TREH: variants seen among roughly 807,000 people sequenced by gnomAD.
TREH encodes the protein alpha,alpha-trehalose glucohydrolase.
A neutral mutation model predicts 80.5 loss-of-function variants in TREH; 69 were observed. The ratio of observed to expected loss-of-function variants is 0.86; its 90% CI spans 0.71 to 1.05. TREH has a LOEUF of 1.05. TREH is among the 50% of genes least tolerant of loss of function. The pLI is 0.00. For missense variants in TREH, 716 were observed against 718.8 expected, an observed-to-expected ratio of 1.00 and a Z score of 0.04; for synonymous variants, 309 against 293.5, an observed-to-expected ratio of 1.05 and a Z score of -0.54.
intron 4 of TREH, among the ~76,000 whole-genome samples, 163 bp from the exon 5 acceptor site, chr11:118,662,153 G>A (rs960308115): frequency 1.3e-5 from 2 of 152,068 alleles, no homozygotes; most frequent in Non-Finnish European, 2.9e-5. Context: ...AGGCCTGGCC[G>A]CTGGGAGCCT....
At chr11:118,660,053 TTG>T (rs1591828626) in intron 10 of TREH, 89 bp from the exon 11 acceptor site, 1 of 1,265,344 alleles carries the variant, frequency 7.9e-7, no homozygotes, top group Non-Finnish European at 1.1e-6. Context: ...CCTCCCCGCT[TTG>T]TGTTTCTCTG....
At chr11:118,668,806 G>T (rs1353704494) in intron 1 of TREH, among the ~76,000 whole-genome samples, 1 of 151,886 alleles carries the variant, frequency 6.6e-6, no homozygotes, top group Non-Finnish European at 1.5e-5. Context: ...CAGGCGTGGT[G>T]GTGCATGCCT....
rs782364482 is a variant in TREH, at chr11:118,662,944, T to G, written c.360A>C (p.Ser120=). ...KDSPQFLQKI[S]DAKLRAWAGQ... ...CTGCCCAGGCACGCAGTTTGGCATC[T>G]GAAATCTTCTGCAGGAACTGGGGGC... Residue 120 remains serine, a synonymous_variant, in exon 4 of 15, where the codon TCA becomes TCC. Coordinates refer to ENST00000264029, the MANE Select transcript of TREH (RefSeq NM_007180.3). 1.2e-6 allele frequency: 2 copies of G among 1,612,160 alleles called. No individual in the cohort carries two copies. The highest frequency in any genetic ancestry group is 1.7e-5 in the Admixed American group (1 of 59,670).
intron 1 of TREH, among the ~76,000 whole-genome samples, chr11:118,668,060 C>A (rs146995088): frequency 5.8e-4 from 88 of 152,252 alleles, no homozygotes; most frequent in Admixed American, 9.2e-4. Flanking sequence ...GACAGGGTTT[C>A]GCCATGTTGG....
chr11:118,663,229 G>A (rs782243386), intron 2 of TREH, 33 bp from the exon 3 acceptor site: 3 of 1,573,768 alleles, frequency 1.9e-6, no homozygotes, highest in Non-Finnish European at 2.6e-6. Context: ...GGGTCAGCAG[G>A]GTGTCACAAG....
chr11:118,663,211 G>A lies in TREH; in HGVS notation c.191-15C>T, dbSNP rs782446774. 8.2e-6 allele frequency: 13 copies of A among 1,591,334 alleles called. 1 individual carries two copies. The South Asian group carries it at 1.5e-4, about 18-fold the overall frequency. ...CAGGACTTGTTCTGGAGAGCAGGCA[G>A]CAGGGAGGGGTCAGCAGGGTGTCAC... On this transcript the variant is annotated splice_polypyrimidine_tract_variant and intron_variant, in intron 2 of 14. Transcript: ENST00000264029.
Position 118,661,304 on chromosome 11 carries a change from C to T in TREH, c.735-22G>A, listed in dbSNP as rs1482108699. On this transcript the variant is annotated intron_variant, in intron 7 of 14. Coordinates refer to ENST00000264029, the MANE Select transcript of TREH (RefSeq NM_007180.3). The surrounding 1 kb of genome is among the most constrained non-coding windows in gnomAD (Gnocchi z 4.2). ...TTCCCTGGAGTGAAGCAGACAACAC[C>T]TCAGCCCAGGCGTGCTGCCCATCCC... 6.2e-7 allele frequency: 1 copy of T among 1,613,972 alleles called. No homozygotes were observed. Among genetic ancestry groups the T allele is most frequent in the Non-Finnish European group, 8.5e-7 (1 of 1,179,868 alleles).
rs991159130 is a variant in TREH at position 118,661,010 on chromosome 11, T to A, written c.858-95A>T. 9 of 1,547,918 alleles carry A rather than the reference T, an allele frequency of 5.8e-6. No individual in the cohort carries two copies. The highest frequency in any genetic ancestry group is 1.8e-4 in the Middle Eastern group (1 of 5,438). Reference sequence around the variant, plus strand: ...TGAGCCATCTTGATCCAGCTGCCCTTGGGCCCCACAGCCCAGGATTGCAGA... The same window carrying A: ...TGAGCCATCTTGATCCAGCTGCCCTAGGGCCCCACAGCCCAGGATTGCAGA... On this transcript the variant is annotated intron_variant, in intron 8 of 14. Transcript: ENST00000264029. This position sits in a 1 kb window ranked among gnomAD's most constrained non-coding sequence, Gnocchi z 4.2.
At chr11:118,660,800 A>G in intron 9 of TREH, 66 bp downstream of exon 9, 1 of 1,547,134 alleles carries the variant, frequency 6.5e-7, no homozygotes, top group Admixed American at 2.0e-5. Context: ...ACAGGAGACC[A>G]GAGCCTGACA....
intron 1 of TREH, among the ~76,000 whole-genome samples, chr11:118,664,202 G>A (rs1216561489): frequency 6.6e-6 from 1 of 152,186 alleles, no homozygotes; most frequent in Non-Finnish European, 1.5e-5. Context: ...CCTATGAACA[G>A]CTCTTGGTTG....
At chr11:118,675,091 T>C (rs1312007457) in intron 1 of TREH, among the ~76,000 whole-genome samples, 1 of 152,194 alleles carries the variant, frequency 6.6e-6, no homozygotes, top group Non-Finnish European at 1.5e-5. Context: ...CAATCACCTC[T>C]AATTTCCATT....
chr11:118,664,218 C>A (rs565355152), intron 1 of TREH, among the ~76,000 whole-genome samples: 3 of 152,304 alleles, frequency 2.0e-5, no homozygotes, highest in African/African-American at 7.2e-5. Context: ...GGTTGAACAA[C>A]AAAAAGCTGC....
At chr11:118,667,017 G>A (rs1265017550) in intron 1 of TREH, among the ~76,000 whole-genome samples, 1 of 151,936 alleles carries the variant, frequency 6.6e-6, no homozygotes, top group Non-Finnish European at 1.5e-5. Flanking sequence ...CGAGTAGCTG[G>A]GATTACGGGC....
chr11:118,673,486 C>CA (rs1350046608), intron 1 of TREH, among the ~76,000 whole-genome samples: 1 of 152,238 alleles, frequency 6.6e-6, no homozygotes, highest in Non-Finnish European at 1.5e-5. Flanking sequence ...TTTTGTGCCT[C>CA]AGCGGGAAAA....
chr11:118,678,150 G>A (rs536729270), intron 1 of TREH, among the ~76,000 whole-genome samples: 2 of 152,176 alleles, frequency 1.3e-5, no homozygotes, highest in African/African-American at 2.4e-5. Flanking sequence ...TGAACAGTGC[G>A]TCAGGGCCTC....
In TREH at chr11:118,658,719, G is replaced by A. The variant is rs375392044; in HGVS notation, c.1560C>T (p.Asn520=). Residue 520 remains asparagine (N), a synonymous_variant, in exon 14 of 15, where the codon AAC becomes AAT. Coordinates refer to ENST00000264029, the MANE Select transcript of TREH (RefSeq NM_007180.3). ...SAMYEKYDVS[N]GGQPGGGGEY... ...CTCCTCCCCCACCGGGCTGTCCACC[G>A]TTGCTGACGTCATACTGGGGACAAG... 82 of 1,605,198 alleles carry A rather than the reference G, an allele frequency of 5.1e-5. No individual in the cohort carries two copies. In the African/African-American group the frequency reaches 8.7e-4, roughly 17 times the overall value.
At position 118,659,960 on chromosome 11, in the gene TREH, G is replaced by A. The variant is rs782740865; in HGVS notation, c.1107C>T (p.Asn369=). Reference sequence around the variant, plus strand: ...TTCTGTACTTCGTGGCCTGGGAGTCGTTCCCTGGGGCAGTGCTGCCTTTAG... The same window carrying A: ...TTCTGTACTTCGTGGCCTGGGAGTCATTCCCTGGGGCAGTGCTGCCTTTAG... ...LMSNFYSRLG[N]DSQATKYRIL... Residue 369 remains asparagine (N), a synonymous_variant, in exon 11 of 15, where the codon AAC becomes AAT. Transcript: ENST00000264029. 1.1e-5 allele frequency: 17 copies of A among 1,551,068 alleles called. No homozygotes were observed. The highest frequency in any genetic ancestry group is 1.2e-5 in the South Asian group (1 of 84,060).
chr11:118,658,395 C>A lies in TREH; in HGVS notation c.1646G>T (p.Arg549Leu), dbSNP rs566037210. Residue 549 changes from arginine (R) to leucine (L), a missense_variant, in exon 15 of 15, where the codon CGC (arginine) becomes CTC (leucine). Arg to Leu is a moderately radical substitution (Grantham distance 102, BLOSUM62 -2). Transcript: ENST00000264029. Reference protein sequence around the residue: ...TNGVVLMLLDRYGDRLTSGAK... With the variant: ...TNGVVLMLLDLYGDRLTSGAK... ...CCCTGAGGTCAGCCGGTCACCATAG[C>A]GGTCCAGCAGCATCAGGACCACGCC... The A allele has an allele frequency of 1.2e-6, 2 of 1,610,368 alleles. No individual in the cohort carries two copies. Among genetic ancestry groups the A allele is most frequent in the Admixed American group, 3.3e-5 (2 of 59,756 alleles).
intron 1 of TREH, 58 bp from the exon 2 acceptor site, chr11:118,663,497 A>G (rs1391257996): frequency 7.4e-7 from 1 of 1,351,794 alleles, no homozygotes; most frequent in Non-Finnish European, 1.0e-6. Flanking sequence ...TTAGGACAGA[A>G]GAGAAGGCTA....
Sources: allele counts gnomAD v4.1 joint callset (sites outside exome capture counted in the v4.1 genomes callset), GRCh38; gene constraint gnomAD v4.1.1; non-coding constraint Gnocchi (gnomAD v3.1); transcripts MANE v1.5; gene names NCBI Gene and HGNC (gene_info 2026-07-23, HGNC 2026-07-21).